Variants in CASD1 observed in about 807,000 individuals in gnomAD.
CASD1 encodes CAS1 domain sialic acid O acetyltransferase 1, also known as N-acetylneuraminate (7)9-O-acetyltransferase.
Under a neutral mutation model 100.0 loss-of-function variants are expected in CASD1, and 41 were observed. The ratio of observed to expected loss-of-function variants is 0.41; its 90% CI spans 0.32 to 0.53. The LOEUF is 0.53. Ranked by LOEUF, CASD1 falls within the 20% of genes least tolerant of loss-of-function variation. The pLI is 0.25. For missense variants in CASD1, 774 were observed against 948.7 expected (o/e 0.82, Z 2.42); for synonymous variants, 321 against 315.6 (o/e 1.02, Z -0.18).
At chr7:94,557,100 G>C (rs1301730755), downstream of CASD1, 2 of 152,020 alleles carry the variant, frequency 1.3e-5, no homozygotes, top group East Asian at 3.8e-4. Flanking sequence ...TTAATATGTA[G>C]GGGTAGGTTA....
chr7:94,624,241 G>A, the CASD1 span: 2 of 396,522 alleles, frequency 5.0e-6, no homozygotes, highest in Non-Finnish European at 4.4e-6. Context: ...ATTGCAGCTG[G>A]AGGTGACACT....
intron 10 of CASD1, among the ~76,000 whole-genome samples, chr7:94,540,781 T>A (rs1301989066): frequency 5.3e-5 from 8 of 152,150 alleles, no homozygotes; most frequent in African/African-American, 1.9e-4. Context: ...AGAATATCTC[T>A]GATGTATGAA....
At chr7:94,547,712 T>C (rs1041081996) in intron 13 of CASD1, among the ~76,000 whole-genome samples, 7 of 151,878 alleles carry the variant, frequency 4.6e-5, no homozygotes, top group African/African-American at 1.4e-4. Flanking sequence ...TTTTCTGTTA[T>C]TTTAACAGGA....
intron 7 of CASD1, 23 bp from the exon 8 acceptor site, chr7:94,535,286 T>C (rs182846765): frequency 6.4e-7 from 1 of 1,564,932 alleles, no homozygotes; most frequent in East Asian, 2.2e-5. Context: ...AAATGTGTTT[T>C]TAAAAATGTG....
intron 4 of CASD1, 111 bp from the exon 5 acceptor site, chr7:94,528,077 A>G (rs1426647267): frequency 1.4e-6 from 1 of 734,168 alleles, no homozygotes; most frequent in African/African-American, 1.8e-5. Flanking sequence ...GTCTTGGACA[A>G]GGTAGTGTTT....
At chr7:94,603,403 C>G in the CASD1 span, 28 of 1,613,230 alleles carry the variant, frequency 1.7e-5, no homozygotes, top group African/African-American at 2.7e-5. Flanking sequence ...TTTTCAACTT[C>G]TCGTAAACAA....
At chr7:94,546,973 C>A (rs1795710878) in intron 12 of CASD1, 123 bp from the exon 13 acceptor site, 1 of 556,430 alleles carries the variant, frequency 1.8e-6, no homozygotes, top group Non-Finnish European at 3.0e-6. Flanking sequence ...TTTGTGTATT[C>A]TTGTAAGCAT....
At chr7:94,587,864 C>T in the CASD1 span, 8 of 1,524,136 alleles carry the variant, frequency 5.2e-6, no homozygotes, top group South Asian at 1.0e-4. Flanking sequence ...ATGAAAACAT[C>T]CAACACATTT....
chr7:94,577,477 T>A, the CASD1 span, among the ~76,000 whole-genome samples: 1 of 152,206 alleles, frequency 6.6e-6, no homozygotes, highest in Non-Finnish European at 1.5e-5. Context: ...GGGAATGCTT[T>A]AAAAACTGAG....
At chr7:94,563,798 T>C in the CASD1 span, among the ~76,000 whole-genome samples, 2 of 152,224 alleles carry the variant, frequency 1.3e-5, no homozygotes, top group East Asian at 3.9e-4. Context: ...CACTAGGAGC[T>C]TCTTTCTTTG....
chr7:94,579,631 A>G, the CASD1 span, among the ~76,000 whole-genome samples: 1 of 152,148 alleles, frequency 6.6e-6, no homozygotes, highest in African/African-American at 2.4e-5. Flanking sequence ...CATGTACCTT[A>G]TCTTTTTTGC....
chr7:94,569,778 A>T, the CASD1 span, among the ~76,000 whole-genome samples: 1 of 149,732 alleles, frequency 6.7e-6, no homozygotes, highest in Admixed American at 6.7e-5. Flanking sequence ...ATATCGTTGT[A>T]TCATTAAAAA....
chr7:94,600,751 C>T, the CASD1 span: 2 of 1,613,794 alleles, frequency 1.2e-6, no homozygotes, highest in Non-Finnish European at 1.7e-6. Flanking sequence ...GTAATAGTCT[C>T]TGCTTTTCAA....
the CASD1 span, chr7:94,623,230 G>T: frequency 1.4e-6 from 1 of 709,742 alleles, no homozygotes; most frequent in South Asian, 1.9e-5. Context: ...TAGGTATGTG[G>T]CATTTTAAAA....
intron 1 of CASD1, among the ~76,000 whole-genome samples, chr7:94,511,610 G>A (rs1398677525): frequency 6.6e-6 from 1 of 152,116 alleles, no homozygotes; most frequent in Non-Finnish European, 1.5e-5. Flanking sequence ...TGGTGGTTTT[G>A]AGGAAATATT....
At chr7:94,565,475 C>T in the CASD1 span, among the ~76,000 whole-genome samples, 1 of 152,146 alleles carries the variant, frequency 6.6e-6, no homozygotes, top group Admixed American at 6.5e-5. Flanking sequence ...CTGCCTTCAG[C>T]TTCTCATCCT....
chr7:94,547,199 T>C, intron 13 of CASD1, 24 bp downstream of exon 13: 2 of 1,463,838 alleles, frequency 1.4e-6, no homozygotes, highest in Non-Finnish European at 1.8e-6. Flanking sequence ...TTTCAGTTTA[T>C]ATTTTTTCAT....
At chr7:94,564,144 A>G in the CASD1 span, among the ~76,000 whole-genome samples, 6 of 152,226 alleles carry the variant, frequency 3.9e-5, no homozygotes, top group Non-Finnish European at 2.9e-5. Flanking sequence ...GAATGCACAC[A>G]ATTTCTGATT....
chr7:94,588,645 T>C, the CASD1 span: 1 of 1,566,206 alleles, frequency 6.4e-7, no homozygotes, highest in Non-Finnish European at 8.8e-7. Context: ...TTTTAATCTA[T>C]TAGATTCATT....
Sources: gnomAD v4.1 joint callset for allele counts (sites outside exome capture counted in the v4.1 genomes callset) on GRCh38, gnomAD v4.1.1 for gene constraint, MANE v1.5 for transcripts, NCBI Gene and HGNC (gene_info 2026-07-23, HGNC 2026-07-21) for gene names.